Variants in KCNQ2 observed in about 807,000 individuals in gnomAD.
KCNQ2 encodes potassium voltage-gated channel subfamily Q member 2.
Under a neutral mutation model 84.8 loss-of-function variants are expected in KCNQ2, and 14 were observed. The ratio of observed to expected loss-of-function variants is 0.17; its 90% CI spans 0.11 to 0.26. The LOEUF is 0.26. Ranked by LOEUF, KCNQ2 falls within the 10% of genes least tolerant of loss-of-function variation. The pLI is 1.00. For missense variants in KCNQ2, 788 were observed against 1,254.0 expected (o/e 0.63, Z 5.61); for synonymous variants, 599 against 554.1 (o/e 1.08, Z -1.14).
intron 10 of KCNQ2, among the ~76,000 whole-genome samples, chr20:63,427,080 G>A (rs2080656239): frequency 6.6e-6 from 1 of 152,178 alleles, no homozygotes; most frequent in Admixed American, 6.5e-5. Context: ...AACTTAGCCG[G>A]GCGTAGTAGC....
At chr20:63,433,939 A>G in intron 7 of KCNQ2, 36 bp from the exon 8 acceptor site, 2 of 1,596,750 alleles carry the variant, frequency 1.3e-6, no homozygotes, top group Non-Finnish European at 1.7e-6. Context: ...GGCGAGGGGC[A>G]GGCGGCGAGG....
chr20:63,455,378 G>A (rs914978258), intron 1 of KCNQ2, among the ~76,000 whole-genome samples: 1 of 152,146 alleles, frequency 6.6e-6, no homozygotes, highest in East Asian at 1.9e-4. Context: ...CCACTGAGCA[G>A]AGGGGCAGGG....
chr20:63,442,959 TCACCAC>T (rs1568935393), intron 4 of KCNQ2, among the ~76,000 whole-genome samples: 4 of 22,896 alleles, frequency 1.7e-4, no homozygotes, highest in African/African-American at 1.8e-4. Context: ...ATCATCACCA[TCACCAC>T]CACCACCACC....
chr20:63,414,882 A>G lies in KCNQ2; in HGVS notation c.1525+21T>C, dbSNP rs1028793981. On this transcript the variant is annotated intron_variant, in intron 13 of 16. Coordinates refer to ENST00000359125, the MANE Select transcript of KCNQ2 (RefSeq NM_172107.4). This position sits in a 1 kb window ranked among gnomAD's most constrained non-coding sequence, Gnocchi z 6.6. The stretch of plus-strand genomic sequence containing the variant: ...CCATCCCCGGAGAGGATGGACCAGG[A>G]GAGGATGCGGCCACACCCACCTTCT... 1.1e-5 allele frequency: 18 copies of G among 1,609,048 alleles called. No homozygotes were observed. Among genetic ancestry groups the G allele is most frequent in the Non-Finnish European group, 1.5e-5 (18 of 1,177,566 alleles).
chr20:63,413,275 GAAATATT>G (rs1430157769), intron 15 of KCNQ2, 168 bp downstream of exon 15: 6 of 704,428 alleles, frequency 8.5e-6, no homozygotes, highest in Non-Finnish European at 1.2e-5. Context: ...AGAGACAGCA[GAAATATT>G]AAAACAGACT....
rs755013341 is a variant in KCNQ2, at chr20:63,407,054, C to T, written c.2209G>A (p.Gly737Ser). 12 of 1,519,934 alleles carry T rather than the reference C, an allele frequency of 7.9e-6. No homozygotes were observed. Among genetic ancestry groups the T allele is most frequent in the Admixed American group, 4.0e-5 (2 of 49,714 alleles). 94.2% of individuals were successfully genotyped at this position (1,519,934 alleles called of 1,614,324 possible). A position where few individuals can be genotyped will look rare whatever the true frequency, so the allele number is the denominator to read the frequency against. The stretch of plus-strand genomic sequence containing the variant: ...GGCGGCGGGATGCGCACCAGGGAGC[C>T]GTGGTCCCCCACGGGGGAGGTGCCG... Reference protein sequence around the residue: ...GHGTSPVGDHGSLVRIPPPPA... With the variant: ...GHGTSPVGDHSSLVRIPPPPA... Residue 737 changes from glycine to serine, a missense_variant, in exon 17 of 17, where the codon GGC becomes AGC. Transcript: ENST00000359125. The surrounding 1 kb of genome is among the most constrained non-coding windows in gnomAD (Gnocchi z 7.2).
At position 63,471,663 on chromosome 20, in the gene KCNQ2, C is replaced by G. The variant is rs537660146; in HGVS notation, c.296+505G>C. On this transcript the variant is annotated intron_variant, in intron 1 of 16. Coordinates refer to ENST00000359125, the MANE Select transcript of KCNQ2 (RefSeq NM_172107.4). Reference sequence around the variant, plus strand: ...TGGGGTGGGGGGGTCATGGGAGGGCCCCTCCCCCATCTCAGGAACCCAGAA... The same window carrying G: ...TGGGGTGGGGGGGTCATGGGAGGGCGCCTCCCCCATCTCAGGAACCCAGAA... 505 of 153,590 alleles carry G rather than the reference C, an allele frequency of 3.3e-3. 4 individuals carry two copies. The highest frequency in any genetic ancestry group is 0.012 in the African/African-American group (483 of 41,614). The allele number at this position is 153,590 out of a possible 1,614,324, so 9.5% of individuals were successfully genotyped here. A position where few individuals can be genotyped will look rare whatever the true frequency, so the allele number is the denominator to read the frequency against.
intron 7 of KCNQ2, among the ~76,000 whole-genome samples, chr20:63,436,655 G>A (rs898554161): frequency 6.6e-6 from 1 of 152,154 alleles, no homozygotes; most frequent in Non-Finnish European, 1.5e-5. Context: ...AGGCTCAGGT[G>A]ATTGTTAGTA....
rs958706047 is a variant in KCNQ2, at chr20:63,414,002, C to T, written c.1631+86G>A. ...TCTGTCTCTGGGCGGCTCTGTCCAGCACCATGAGCACCGGCAGCAGGCAGG... is the reference window on the plus strand; with the variant it reads ...TCTGTCTCTGGGCGGCTCTGTCCAGTACCATGAGCACCGGCAGCAGGCAGG... On this transcript the variant is annotated intron_variant, in intron 14 of 16. Coordinates refer to ENST00000359125, the MANE Select transcript of KCNQ2 (RefSeq NM_172107.4). The surrounding 1 kb of genome is among the most constrained non-coding windows in gnomAD (Gnocchi z 6.6). 9.8e-7 allele frequency: 1 copy of T among 1,016,236 alleles called. No individual in the cohort carries two copies. Among genetic ancestry groups the T allele is most frequent in the Admixed American group, 1.7e-5 (1 of 57,352 alleles). The allele number at this position is 1,016,236 out of a possible 1,614,324, so 63.0% of individuals were successfully genotyped here. A position where few individuals can be genotyped will look rare whatever the true frequency, so the allele number is the denominator to read the frequency against.
Position 63,417,943 on chromosome 20 carries a change from G to A in KCNQ2, c.1301+1676C>T, listed in dbSNP as rs139290682. On this transcript the variant is annotated intron_variant, in intron 12 of 16. Coordinates refer to ENST00000359125, the MANE Select transcript of KCNQ2 (RefSeq NM_172107.4). ...AAGGAGCCTGCCCTGGCCTCGGCGC[G>A]GCCCTGCTGTCCCGGGTCTCGGGCT... is the stretch of plus-strand genomic sequence containing the variant. Among the ~76,000 whole-genome samples, 594 of 152,122 alleles carry A rather than the reference G, an allele frequency of 3.9e-3. 5 individuals carry two copies. Among genetic ancestry groups the A allele is most frequent in the African/African-American group, 0.013 (530 of 41,520 alleles).
At chr20:63,418,480 G>C (rs2080368356) in intron 12 of KCNQ2, among the ~76,000 whole-genome samples, 1 of 152,156 alleles carries the variant, frequency 6.6e-6, no homozygotes, top group Non-Finnish European at 1.5e-5. Flanking sequence ...GAGGATGAAG[G>C]GGCCTCCCGT....
chr20:63,447,119 C>A lies in KCNQ2; in HGVS notation c.297-282G>T, dbSNP rs115852939. ...GGACGCACCCCCCTCTCCACTCTGG[C>A]CCCTGCCCCTTCTGTCTGGTTTCAG... On this transcript the variant is annotated intron_variant, in intron 1 of 16. Coordinates refer to ENST00000359125, the MANE Select transcript of KCNQ2 (RefSeq NM_172107.4). Among the ~76,000 whole-genome samples, 123 of 152,146 alleles carry A rather than the reference C, an allele frequency of 8.1e-4. 1 individual carries two copies. The highest frequency in any genetic ancestry group is 2.8e-3 in the African/African-American group (118 of 41,492).
chr20:63,400,761 C>T lies in KCNQ2; in HGVS notation c.*5883G>A, dbSNP rs927338349. 14 of 398,142 alleles carry T rather than the reference C, an allele frequency of 3.5e-5. No individual in the cohort carries two copies. Among genetic ancestry groups the T allele is most frequent in the Non-Finnish European group, 5.3e-5 (12 of 225,936 alleles). 24.7% of individuals were successfully genotyped at this position (398,142 alleles called of 1,614,324 possible). ...TCCCGGGCAGAGGGATGGCGTCCAG[C>T]GGGACCACCAGCTCTGGGCGCCTCA... On this transcript the variant is annotated 3_prime_UTR_variant, in exon 17 of 17. Coordinates refer to ENST00000359125, the MANE Select transcript of KCNQ2 (RefSeq NM_172107.4). This position sits in a 1 kb window ranked among gnomAD's most constrained non-coding sequence, Gnocchi z 8.7.
At chr20:63,448,492 G>A (rs917693631) in intron 1 of KCNQ2, 6 of 152,284 alleles carry the variant, frequency 3.9e-5, no homozygotes, top group African/African-American at 1.2e-4. Flanking sequence ...CACACCCTGC[G>A]GCACCACACG....
At position 63,437,875 on chromosome 20, in the gene KCNQ2, T is replaced by A. The variant is rs537598903; in HGVS notation, c.1023+750A>T. Among the ~76,000 whole-genome samples the A allele has an allele frequency of 3.3e-5, 5 of 152,282 alleles. No individual in the cohort carries two copies. The South Asian group carries it at 1.0e-3, about 32-fold the overall frequency. ...CCCAGGCTGGAGTGCTGTGGCGTGA[T>A]CTCGGCTCACTGCAACCTCCGCCTC... is the stretch of plus-strand genomic sequence containing the variant. On this transcript the variant is annotated intron_variant, in intron 7 of 16. Coordinates refer to ENST00000359125, the MANE Select transcript of KCNQ2 (RefSeq NM_172107.4).
At chr20:63,413,350 C>T (rs764055034) in intron 15 of KCNQ2, 100 bp downstream of exon 15, 28 of 1,464,858 alleles carry the variant, frequency 1.9e-5, no homozygotes, top group Non-Finnish European at 2.6e-5. Flanking sequence ...GAGGCCCCGC[C>T]CACACACCCC....
intron 15 of KCNQ2, among the ~76,000 whole-genome samples, chr20:63,410,847 G>A (rs898755353): frequency 1.3e-5 from 2 of 152,176 alleles, no homozygotes; most frequent in Admixed American, 6.5e-5. Context: ...TGTCTGCCCT[G>A]AGCTGTCAGG....
intron 6 of KCNQ2, 85 bp downstream of exon 6, chr20:63,439,513 G>A (rs1031391634): frequency 2.0e-6 from 2 of 1,009,492 alleles, no homozygotes; most frequent in African/African-American, 3.2e-5. Context: ...CCCACCTAGG[G>A]AACTGTGCCC....
At chr20:63,437,068 G>A (rs144551040) in intron 7 of KCNQ2, among the ~76,000 whole-genome samples, 1,648 of 152,176 alleles carry the variant, frequency 0.011, 26 homozygotes, top group African/African-American at 0.038. Flanking sequence ...TGGGAGCCAC[G>A]GTGCCCAGCC....
Sources: gnomAD v4.1 joint callset for allele counts (sites outside exome capture counted in the v4.1 genomes callset) on GRCh38, gnomAD v4.1.1 for gene constraint, Gnocchi (gnomAD v3.1) non-coding constraint, MANE v1.5 for transcripts, NCBI Gene and HGNC (gene_info 2026-07-23, HGNC 2026-07-21) for gene names.